Variants in PEAR1 observed in about 807,000 individuals in gnomAD.
PEAR1 encodes the protein platelet endothelial aggregation receptor 1.
Under a neutral mutation model 131.2 loss-of-function variants are expected in PEAR1, and 113 were observed. The observed-to-expected ratio is 0.86, with a 90% confidence interval of 0.74 to 1.01. The LOEUF is 1.01. PEAR1 is among the 50% of genes least tolerant of loss of function. The pLI, the probability that PEAR1 is intolerant of heterozygous loss-of-function variation, is 0.00. For missense variants in PEAR1, 1,408 were observed against 1,391.1 expected, an observed-to-expected ratio of 1.01 and a Z score of -0.19; for synonymous variants, 565 against 523.3, an observed-to-expected ratio of 1.08 and a Z score of -1.09.
chr1:156,899,163 G>A (rs1460997452), intron 1 of PEAR1, among the ~76,000 whole-genome samples: 1 of 152,170 alleles, frequency 6.6e-6, no homozygotes, highest in East Asian at 1.9e-4. Context: ...TACAGATGAG[G>A]AGATGGAGGA....
At chr1:156,907,869 G>A in intron 7 of PEAR1, 46 bp from the exon 8 acceptor site, 1 of 1,595,182 alleles carries the variant, frequency 6.3e-7, no homozygotes, top group Non-Finnish European at 8.6e-7. Context: ...TGGCCTTGGG[G>A]AGGAGGCTGG....
chr1:156,910,263 G>A lies in PEAR1; in HGVS notation c.1708G>A (p.Gly570Ser), dbSNP rs1650898325. 8 of 1,613,110 alleles carry A rather than the reference G, an allele frequency of 5.0e-6. No homozygotes were observed. The highest frequency in any genetic ancestry group is 5.1e-6 in the Non-Finnish European group (6 of 1,179,492). The change falls in exon 14 of 23, where the codon GGC (glycine) becomes AGC (serine). Residue 570 changes from glycine (G) to serine (S), a missense_variant. Coordinates refer to ENST00000292357, the MANE Select transcript of PEAR1 (RefSeq NM_001080471.3). ...CCGCTGCCACCTGTCCTGCCCTGAG[G>A]GCTTATGGGGAGTCAACTGTAGCAA... ...GARCHLSCPE[G>S]LWGVNCSNTC...
Position 156,913,194 on chromosome 1 carries a change from A to C in PEAR1, c.2423A>C (p.Asp808Ala). Reference sequence around the variant, plus strand: ...CCCTGTGCTTGTGTCTGTCATGCAGATGTCCCTCCGAGCTACAGTCACTAC... The same window carrying C: ...CCCTGTGCTTGTGTCTGTCATGCAGCTGTCCCTCCGAGCTACAGTCACTAC... ...RLDGSEYVMP[D>A]VPPSYSHYYS... The change falls in exon 19 of 23, where the codon GAT becomes GCT. Residue 808 changes from aspartate to alanine, a missense_variant and splice_region_variant. Transcript: ENST00000292357. The C allele has an allele frequency of 6.2e-7, 1 of 1,613,434 alleles. No homozygotes were observed. The highest frequency in any genetic ancestry group is 1.1e-5 in the South Asian group (1 of 90,948).
rs1570971841 is a variant in PEAR1, at chr1:156,908,968, C to G, written c.1343C>G (p.Ser448Cys). ...CCTGACACCTACGGTGTCAACTGTT[C>G]TGCACGCTGCTCATGTGAAAATGCC... ...CPPDTYGVNC[S>C]ARCSCENAIA... Residue 448 changes from serine to cysteine, a missense_variant, in exon 11 of 23, where the codon TCT becomes TGT. Physicochemically the swap from Ser to Cys is moderately radical, Grantham distance 112 (BLOSUM62 -1). Transcript: ENST00000292357. This position sits in a 1 kb window ranked among gnomAD's most constrained non-coding sequence, Gnocchi z 4.2. The G allele has an allele frequency of 6.2e-7, 1 of 1,614,064 alleles. No individual in the cohort carries two copies. The highest frequency in any genetic ancestry group is 1.1e-5 in the South Asian group (1 of 91,080).
In PEAR1 at chr1:156,908,071, C is replaced by A. The variant is rs1374824844; in HGVS notation, c.902+20C>A. The A allele has an allele frequency of 4.1e-6, 3 of 728,646 alleles. No homozygotes were observed. The highest frequency in any genetic ancestry group is 1.4e-5 in the South Asian group (1 of 71,308). 45.1% of individuals were successfully genotyped at this position (728,646 alleles called of 1,614,324 possible). ...GGATCGGTGAGTGGCGTGGGGCGGGCGGGAGACGGGAGGGAGGAGGTGGGG... is the reference window on the plus strand; with the variant it reads ...GGATCGGTGAGTGGCGTGGGGCGGGAGGGAGACGGGAGGGAGGAGGTGGGG... On this transcript the variant is annotated intron_variant, in intron 8 of 22. Transcript: ENST00000292357. The surrounding 1 kb of genome is among the most constrained non-coding windows in gnomAD (Gnocchi z 4.2).
Position 156,910,637 on chromosome 1 carries a change from T to G in PEAR1, c.1845T>G (p.Tyr615Ter). 1 of 1,614,110 alleles carries G rather than the reference T, an allele frequency of 6.2e-7. No homozygotes were observed. The highest frequency in any genetic ancestry group is 8.5e-7 in the Non-Finnish European group (1 of 1,180,024). Residue 615 changes from tyrosine (Y) to a stop codon, truncating the protein, a stop_gained, in exon 15 of 23, where the codon TAT becomes TAG. Transcript: ENST00000292357. LOFTEE classifies it high-confidence loss of function. ...CCCCAGCCTGTCAGCCTGGCCGCTATGGCAAACGCTGTGTGCCCTGCAAGT... is the reference window on the plus strand; with the variant it reads ...CCCCAGCCTGTCAGCCTGGCCGCTAGGGCAAACGCTGTGTGCCCTGCAAGT... The part of the protein sequence containing the change: ...SCQRSCQPGR[Y>*]GKRCVPCKCA...
chr1:156,910,239 C>A lies in PEAR1; in HGVS notation c.1684C>A (p.Arg562Ser). Residue 562 changes from arginine to serine, a missense_variant, in exon 14 of 23, where the codon CGC (arginine) becomes AGC (serine). Physicochemically the swap from Arg to Ser is moderately radical, Grantham distance 110 (BLOSUM62 -1). Transcript: ENST00000292357. ...CQCQAGWMGA[R>S]CHLSCPEGLW... ...CCGACTGCTGTCTCCCACAGGTGCC[C>A]GCTGCCACCTGTCCTGCCCTGAGGG... The A allele has an allele frequency of 6.2e-7, 1 of 1,610,124 alleles. No individual in the cohort carries two copies. Among genetic ancestry groups the A allele is most frequent in the Non-Finnish European group, 8.5e-7 (1 of 1,177,600 alleles).
chr1:156,899,376 C>A (rs1383098719), intron 1 of PEAR1, among the ~76,000 whole-genome samples: 3 of 151,940 alleles, frequency 2.0e-5, no homozygotes, highest in Admixed American at 6.6e-5. Flanking sequence ...AGGCATTCTG[C>A]CTTGTCAACC....
chr1:156,910,613 C>A lies in PEAR1; in HGVS notation c.1826-5C>A. On this transcript the variant is annotated splice_region_variant and splice_polypyrimidine_tract_variant and intron_variant, in intron 14 of 22. Transcript: ENST00000292357. ...CCCCAATCACCATGTACCCCTTTCC[C>A]CCAGCCTGTCAGCCTGGCCGCTATG... 6.2e-7 allele frequency: 1 copy of A among 1,613,802 alleles called. No homozygotes were observed. The highest frequency in any genetic ancestry group is 8.5e-7 in the Non-Finnish European group (1 of 1,179,926).
chr1:156,905,493 G>C, intron 4 of PEAR1, 69 bp downstream of exon 4: 1 of 1,386,252 alleles, frequency 7.2e-7, no homozygotes, highest in Non-Finnish European at 9.7e-7. Flanking sequence ...CTACTCTTCT[G>C]AGTCCCTCCC....
chr1:156,894,403 T>C (rs114762366), intron 1 of PEAR1, among the ~76,000 whole-genome samples: 2,897 of 152,350 alleles, frequency 0.019, 96 homozygotes, highest in African/African-American at 0.066. Context: ...ACGTGTCTCC[T>C]GCTTTGAATG....
At chr1:156,905,585 G>C (rs2644591) in intron 4 of PEAR1, among the ~76,000 whole-genome samples, 161 bp downstream of exon 4, 140,101 of 152,060 alleles carry the variant, frequency 0.92, 64,888 homozygotes, top group East Asian at 1. Context: ...CCCCAGGATG[G>C]GGATCAGCAC....
chr1:156,894,229 A>G lies in PEAR1; in HGVS notation c.-10+392A>G, dbSNP rs190367186. 2.1e-3 allele frequency among the ~76,000 whole-genome samples: 321 copies of G among 152,264 alleles called. 2 individuals are homozygous for G. The highest frequency in any genetic ancestry group is 5.2e-3 in the Admixed American group (80 of 15,302). On this transcript the variant is annotated intron_variant, in intron 1 of 22. Transcript: ENST00000292357. ...GCAAGGGAAGTGTAGCCACAAGAGCATCGACACTGGAGCCAAGACTGCCTA... is the reference window on the plus strand; with the variant it reads ...GCAAGGGAAGTGTAGCCACAAGAGCGTCGACACTGGAGCCAAGACTGCCTA...
At chr1:156,900,970 C>G (rs1385907442) in intron 1 of PEAR1, among the ~76,000 whole-genome samples, 2 of 152,170 alleles carry the variant, frequency 1.3e-5, no homozygotes, top group Non-Finnish European at 2.9e-5. Context: ...CCCTCAGGGA[C>G]AAAGGCTTAG....
intron 1 of PEAR1, among the ~76,000 whole-genome samples, chr1:156,898,297 C>G (rs780048749): frequency 6.6e-6 from 1 of 152,146 alleles, no homozygotes; most frequent in Admixed American, 6.5e-5. Flanking sequence ...GTAAACAGGT[C>G]GGACCTAGGA....
chr1:156,905,021 T>A, intron 3 of PEAR1, 169 bp downstream of exon 3: 1 of 1,543,276 alleles, frequency 6.5e-7, no homozygotes, highest in Non-Finnish European at 8.8e-7. Context: ...GGGATGTATA[T>A]GTGAATGCGT....
intron 1 of PEAR1, among the ~76,000 whole-genome samples, chr1:156,895,822 G>A (rs769075660): frequency 6.6e-5 from 10 of 152,212 alleles, no homozygotes; most frequent in Non-Finnish European, 1.0e-4. Flanking sequence ...GGCTCACGCC[G>A]GTAATCCCAG....
intron 15 of PEAR1, among the ~76,000 whole-genome samples, chr1:156,911,076 T>TCTTTCTTTCTTTCTTTC (rs1558143712): frequency 2.8e-5 from 3 of 105,326 alleles, no homozygotes; most frequent in Non-Finnish European, 5.3e-5. Context: ...TTTCTTTCTT[T>TCTTTCTTTCTTTCTTTC]CTTTCTTTCT....
chr1:156,909,643 C>T (rs976374350), intron 11 of PEAR1, 108 bp from the exon 12 acceptor site: 2 of 1,285,544 alleles, frequency 1.6e-6, no homozygotes, highest in Middle Eastern at 1.9e-4. Flanking sequence ...GAACACCCCC[C>T]ACCCACCCCA....
Sources: allele counts gnomAD v4.1 joint callset (sites outside exome capture counted in the v4.1 genomes callset), GRCh38; gene constraint gnomAD v4.1.1; non-coding constraint Gnocchi (gnomAD v3.1); transcripts MANE v1.5; gene names NCBI Gene and HGNC (gene_info 2026-07-23, HGNC 2026-07-21).